Variants in ATF2 observed in about 807,000 individuals in gnomAD.
ATF2 encodes the protein cyclic AMP-dependent transcription factor ATF-2.
ATF2 carries 24 observed loss-of-function variants against 60.6 expected under a neutral mutation model. The ratio of observed to expected loss-of-function variants is 0.40; its 90% CI spans 0.29 to 0.56. ATF2 has a LOEUF of 0.56. Ranked by LOEUF, ATF2 falls within the 20% of genes least tolerant of loss-of-function variation. The pLI, the probability that ATF2 is intolerant of heterozygous loss-of-function variation, is 0.54. For missense variants in ATF2, 433 were observed against 607.7 expected (o/e 0.71, Z 3.02); for synonymous variants, 206 against 215.4 (o/e 0.96, Z 0.38).
chr2:175,086,867 C>A (rs866668499), intron 12 of ATF2, among the ~76,000 whole-genome samples: 34 of 152,240 alleles, frequency 2.2e-4, no homozygotes, highest in African/African-American at 7.7e-4. Flanking sequence ...ATTCTGAAAT[C>A]TTTCTATTAA....
chr2:175,141,736 G>A (rs757414080), intron 2 of ATF2, among the ~76,000 whole-genome samples: 6 of 151,902 alleles, frequency 3.9e-5, no homozygotes, highest in Non-Finnish European at 7.4e-5. Context: ...CTCGTGATCC[G>A]CCCGCCTTGG....
chr2:175,122,697 G>A (rs1212478475), intron 4 of ATF2, among the ~76,000 whole-genome samples: 1 of 151,994 alleles, frequency 6.6e-6, no homozygotes, highest in East Asian at 1.9e-4. Flanking sequence ...CTTGGTTATA[G>A]CACCTATCAT....
At chr2:175,137,287 A>G (rs1469056679) in intron 2 of ATF2, among the ~76,000 whole-genome samples, 1 of 152,146 alleles carries the variant, frequency 6.6e-6, no homozygotes, top group Non-Finnish European at 1.5e-5. Context: ...GTCCCATGCA[A>G]AATTTTTATC....
At chr2:175,141,355 T>C (rs562181207) in intron 2 of ATF2, among the ~76,000 whole-genome samples, 5 of 152,036 alleles carry the variant, frequency 3.3e-5, no homozygotes, top group Non-Finnish European at 5.9e-5. Flanking sequence ...TGTCTCCTAC[T>C]GGCAGGGGCT....
At chr2:175,081,655 C>A (rs1693764479) in intron 12 of ATF2, among the ~76,000 whole-genome samples, 1 of 152,186 alleles carries the variant, frequency 6.6e-6, no homozygotes, top group Non-Finnish European at 1.5e-5. Flanking sequence ...CAGATTTCAT[C>A]CATGAACCAA....
chr2:175,118,290 C>T lies in ATF2; in HGVS notation c.279G>A (p.Glu93=). The T allele has an allele frequency of 1.2e-6, 2 of 1,610,014 alleles. No homozygotes were observed. The highest frequency in any genetic ancestry group is 1.7e-6 in the Non-Finnish European group (2 of 1,178,122). ...CTTCTGAAGCTTTCTTGAATTCATT[C>T]TCAAATGGACTCGCCAACTCATTAA... The part of the protein sequence containing the change: ...GLFNELASPF[E]NEFKKASEDD... The change falls in exon 6 of 14, where the codon GAG becomes GAA. Residue 93 remains glutamate, a synonymous_variant. Transcript: ENST00000264110.
intron 11 of ATF2, among the ~76,000 whole-genome samples, chr2:175,096,193 T>C (rs976184973): frequency 6.6e-6 from 1 of 152,226 alleles, no homozygotes; most frequent in African/African-American, 2.4e-5. Flanking sequence ...AATAGAATTC[T>C]GAAACATTTA....
At chr2:175,159,472 A>G (rs1007632744) in intron 1 of ATF2, among the ~76,000 whole-genome samples, 8 of 152,202 alleles carry the variant, frequency 5.3e-5, no homozygotes, top group African/African-American at 1.9e-4. Flanking sequence ...CAAGGAAAGC[A>G]GCAGTATTTT....
intron 11 of ATF2, among the ~76,000 whole-genome samples, chr2:175,093,809 T>C (rs1694715881): frequency 2.0e-5 from 3 of 152,170 alleles, no homozygotes; most frequent in Non-Finnish European, 4.4e-5. Context: ...TATTCAGCTT[T>C]TCTTCAGTTT....
intron 2 of ATF2, among the ~76,000 whole-genome samples, chr2:175,146,106 T>C (rs1050999337): frequency 6.6e-6 from 1 of 152,118 alleles, no homozygotes; most frequent in African/African-American, 2.4e-5. Flanking sequence ...TGTAACAGCA[T>C]CACTTCTATA....
chr2:175,129,219 T>C (rs959300060), intron 4 of ATF2, among the ~76,000 whole-genome samples: 19 of 152,120 alleles, frequency 1.2e-4, no homozygotes, highest in Admixed American at 3.3e-4. Context: ...AAAACATACA[T>C]ACTATATGAT....
chr2:175,136,559 G>T, intron 2 of ATF2, 73 bp from the exon 3 acceptor site: 2 of 992,000 alleles, frequency 2.0e-6, no homozygotes, highest in Non-Finnish European at 3.1e-6. Flanking sequence ...AAAATAAAGT[G>T]CTCAAATTAC....
chr2:175,105,507 T>A (rs1199563194), intron 10 of ATF2, among the ~76,000 whole-genome samples: 1 of 152,204 alleles, frequency 6.6e-6, no homozygotes, highest in Middle Eastern at 3.2e-3. Context: ...GTCTATTGAA[T>A]TTCTTAGAAC....
intron 4 of ATF2, among the ~76,000 whole-genome samples, chr2:175,123,777 C>T (rs1401915718): frequency 1.3e-5 from 2 of 152,010 alleles, no homozygotes; most frequent in Non-Finnish European, 2.9e-5. Context: ...AAAGGGATTA[C>T]TGATCCTGTA....
intron 3 of ATF2, among the ~76,000 whole-genome samples, chr2:175,133,850 A>G (rs1377839946): frequency 2.0e-5 from 3 of 152,188 alleles, no homozygotes; most frequent in East Asian, 1.9e-4. Flanking sequence ...TTTACTCTAC[A>G]TAGTGCATTT....
chr2:175,150,724 T>C (rs1402588317), intron 2 of ATF2, among the ~76,000 whole-genome samples: 2 of 152,186 alleles, frequency 1.3e-5, no homozygotes, highest in Non-Finnish European at 2.9e-5. Context: ...TAGTTTATAT[T>C]ATTATTCTTA....
intron 4 of ATF2, among the ~76,000 whole-genome samples, chr2:175,124,868 C>T (rs114843894): frequency 4.9e-4 from 75 of 152,092 alleles, no homozygotes; most frequent in African/African-American, 1.8e-3. Flanking sequence ...GAATCTTTCA[C>T]CAAATTATCT....
chr2:175,143,419 T>C (rs2105790520), intron 2 of ATF2, among the ~76,000 whole-genome samples: 1 of 152,324 alleles, frequency 6.6e-6, no homozygotes, highest in Non-Finnish European at 1.5e-5. Context: ...TACTCCATCA[T>C]ATAATTATTA....
At chr2:175,147,581 T>C (rs1334656030) in intron 2 of ATF2, among the ~76,000 whole-genome samples, 1 of 152,210 alleles carries the variant, frequency 6.6e-6, no homozygotes, top group Non-Finnish European at 1.5e-5. Flanking sequence ...GCATTTCCAA[T>C]ACAAATCATT....
Sources: gnomAD v4.1 joint callset for allele counts (sites outside exome capture counted in the v4.1 genomes callset) on GRCh38, gnomAD v4.1.1 for gene constraint, MANE v1.5 for transcripts, NCBI Gene and HGNC (gene_info 2026-07-23, HGNC 2026-07-21) for gene names.